ADGRL3: variants seen among roughly 807,000 people sequenced by gnomAD.
The protein encoded by ADGRL3 is calcium-independent alpha-latrotoxin receptor 3.
ADGRL3 carries 62 observed loss-of-function variants against 153.5 expected under a neutral mutation model. The ratio of observed to expected loss-of-function variants is 0.40; its 90% CI spans 0.33 to 0.50. ADGRL3 has a LOEUF of 0.50. Among genes scored for constraint, ADGRL3 ranks in the 20% least tolerant of loss-of-function variants. The pLI, the probability that ADGRL3 is intolerant of heterozygous loss-of-function variation, is 0.47. For missense variants in ADGRL3, 1,641 were observed against 1,859.4 expected (o/e 0.88, Z 2.16); for synonymous variants, 710 against 672.5 (o/e 1.06, Z -0.86).
At chr4:61,326,249 T>C (rs952256010) in intron 1 of ADGRL3, among the ~76,000 whole-genome samples, 4 of 152,124 alleles carry the variant, frequency 2.6e-5, no homozygotes, top group Admixed American at 2.0e-4. Flanking sequence ...GAAGATGAAT[T>C]AGCCGGTTTT....
At chr4:61,864,332 T>C (rs1301708506) in intron 9 of ADGRL3, among the ~76,000 whole-genome samples, 2 of 152,188 alleles carry the variant, frequency 1.3e-5, no homozygotes, top group African/African-American at 4.8e-5. Flanking sequence ...AATTTCCCCA[T>C]TGGATTTAAG....
At chr4:61,432,401 A>G (rs996489969) in intron 2 of ADGRL3, among the ~76,000 whole-genome samples, 11 of 152,172 alleles carry the variant, frequency 7.2e-5, no homozygotes, top group African/African-American at 2.7e-4. Context: ...TGATAAGTAA[A>G]AATTACATTG....
chr4:61,985,557 A>G (rs542629378), intron 19 of ADGRL3, among the ~76,000 whole-genome samples: 1 of 152,286 alleles, frequency 6.6e-6, no homozygotes, highest in Non-Finnish European at 1.5e-5. Context: ...GCCAAATTTC[A>G]TGACTTTCCA....
At chr4:61,379,617 A>T (rs1451503779) in intron 1 of ADGRL3, among the ~76,000 whole-genome samples, 1 of 152,016 alleles carries the variant, frequency 6.6e-6, no homozygotes, top group East Asian at 1.9e-4. Flanking sequence ...TGTTCATGTC[A>T]CTTCTTCATT....
At chr4:61,829,984 T>G (rs958138555) in intron 9 of ADGRL3, among the ~76,000 whole-genome samples, 1 of 151,582 alleles carries the variant, frequency 6.6e-6, no homozygotes, top group Non-Finnish European at 1.5e-5. Context: ...CAGGGCAACA[T>G]AACAAGTCTC....
intron 4 of ADGRL3, among the ~76,000 whole-genome samples, chr4:61,553,368 G>A (rs1209535563): frequency 3.9e-5 from 6 of 152,112 alleles, no homozygotes; most frequent in Admixed American, 2.0e-4. Context: ...TTTCAATACA[G>A]TAGACAAAAT....
At chr4:61,480,962 A>T (rs896146021) in intron 2 of ADGRL3, among the ~76,000 whole-genome samples, 1 of 152,166 alleles carries the variant, frequency 6.6e-6, no homozygotes. Flanking sequence ...CAATCACTCT[A>T]AAAGACATTG....
At chr4:62,060,818 C>A (rs1739691492) in intron 25 of ADGRL3, among the ~76,000 whole-genome samples, 1 of 151,758 alleles carries the variant, frequency 6.6e-6, no homozygotes, top group African/African-American at 2.4e-5. Context: ...CCCTTATAGG[C>A]CCATTACACA....
chr4:61,236,008 CTTTTT>C (rs55932029), intron 1 of ADGRL3, among the ~76,000 whole-genome samples: 7 of 95,852 alleles, frequency 7.3e-5, no homozygotes, highest in Non-Finnish European at 1.1e-4. Context: ...CTTTTCTTTT[CTTTTT>C]TTTTTTTTTT....
chr4:61,816,646 G>A (rs1033712363), intron 9 of ADGRL3, among the ~76,000 whole-genome samples: 8 of 152,156 alleles, frequency 5.3e-5, no homozygotes, highest in Non-Finnish European at 8.8e-5. Context: ...ACTGATAAAG[G>A]GATTTGGAAG....
intron 17 of ADGRL3, among the ~76,000 whole-genome samples, chr4:61,972,951 G>A (rs1322406651): frequency 6.6e-6 from 1 of 151,858 alleles, no homozygotes; most frequent in Non-Finnish European, 1.5e-5. Flanking sequence ...TTATTACAGG[G>A]TGATTGTTCA....
intron 2 of ADGRL3, among the ~76,000 whole-genome samples, chr4:61,384,767 G>A (rs748768892): frequency 2.6e-5 from 4 of 151,790 alleles, no homozygotes; most frequent in African/African-American, 4.8e-5. Flanking sequence ...ATGAAGTAAC[G>A]ATTCATGTTA....
chr4:61,335,886 A>T (rs2095664359), intron 1 of ADGRL3, among the ~76,000 whole-genome samples: 1 of 152,098 alleles, frequency 6.6e-6, no homozygotes, highest in African/African-American at 2.4e-5. Flanking sequence ...CCAGTATATC[A>T]TTGTCATTGT....
intron 1 of ADGRL3, among the ~76,000 whole-genome samples, chr4:61,298,828 T>G (rs1263015996): frequency 1.3e-5 from 2 of 152,152 alleles, no homozygotes; most frequent in African/African-American, 4.8e-5. Flanking sequence ...GTTTTAATAA[T>G]AGAGAAGGTT....
At chr4:61,449,445 A>G (rs572937497) in intron 2 of ADGRL3, among the ~76,000 whole-genome samples, 39 of 148,062 alleles carry the variant, frequency 2.6e-4, no homozygotes, top group African/African-American at 9.1e-4. Context: ...TATTTTTTCC[A>G]TTTTTTTTTT....
chr4:61,866,426 C>T (rs760493852), intron 9 of ADGRL3, among the ~76,000 whole-genome samples: 2 of 152,176 alleles, frequency 1.3e-5, no homozygotes, highest in African/African-American at 2.4e-5. Context: ...TTCATGTTCA[C>T]GCACAAGTTT....
At chr4:61,206,288 T>C (rs928642663) in intron 1 of ADGRL3, among the ~76,000 whole-genome samples, 40 of 152,206 alleles carry the variant, frequency 2.6e-4, no homozygotes, top group African/African-American at 9.4e-4. Flanking sequence ...TTGTGGATGG[T>C]AATCCTACTT....
At chr4:62,026,184 G>C (rs1258594278) in intron 21 of ADGRL3, among the ~76,000 whole-genome samples, 1 of 151,980 alleles carries the variant, frequency 6.6e-6, no homozygotes, top group Admixed American at 6.6e-5. Flanking sequence ...CTAAAATATT[G>C]TGCCTTAAAC....
intron 1 of ADGRL3, among the ~76,000 whole-genome samples, chr4:61,366,211 C>CATGTAT: frequency 6.6e-6 from 1 of 152,168 alleles, no homozygotes; most frequent in African/African-American, 2.4e-5. Context: ...TGTATACAGC[C>CATGTAT]ACCAGAGCTG....
Sources: gnomAD v4.1 joint callset for allele counts (sites outside exome capture counted in the v4.1 genomes callset) on GRCh38, gnomAD v4.1.1 for gene constraint, MANE v1.5 for transcripts, NCBI Gene and HGNC (gene_info 2026-07-23, HGNC 2026-07-21) for gene names.